Variants in ARVCF observed in about 807,000 individuals in gnomAD.
ARVCF encodes the protein ARVCF delta catenin family member.
A neutral mutation model predicts 90.9 loss-of-function variants in ARVCF; 66 were observed. That is an observed-to-expected ratio of 0.73 (90% CI 0.60 to 0.89). The LOEUF is 0.89. Ranked by LOEUF, ARVCF falls within the 40% of genes least tolerant of loss-of-function variation. The pLI, the probability that ARVCF is intolerant of heterozygous loss-of-function variation, is 0.00. For synonymous variants in ARVCF, 653 were observed against 603.4 expected (o/e 1.08, Z -1.21); for missense variants, 1,469 against 1,382.3 (o/e 1.06, Z -1.00).
In ARVCF at chr22:19,981,972, G is replaced by A. The variant is rs33992092; in HGVS notation, c.330C>T (p.Val110=). 6 of 1,613,234 alleles carry A rather than the reference G, an allele frequency of 3.7e-6. No homozygotes were observed. In the African/African-American group the frequency reaches 5.3e-5, roughly 14 times the overall value. ...PGTPTSHVSI[V]TSEDGTTRRT... is the part of the protein sequence containing the mutation. ...GCCGGGTTGTGCCATCTTCGGATGTGACAATAGACACATGGGAAGTGGGTG... is the reference window on the plus strand; with the variant it reads ...GCCGGGTTGTGCCATCTTCGGATGTAACAATAGACACATGGGAAGTGGGTG... The change falls in exon 4 of 20, where the codon GTC becomes GTT. Residue 110 remains valine, a synonymous_variant. Transcript: ENST00000263207.
rs116816134 is a variant in ARVCF, at chr22:19,990,812, G to A, written c.-18C>T. The stretch of plus-strand genomic sequence containing the variant: ...TCCTCCATGACCAGAGCGCCCGCCA[G>A]CTGCAGGCAAAGCAGAGTAAGCTCA... On this transcript the variant is annotated splice_region_variant and 5_prime_UTR_variant, in exon 3 of 20. Transcript: ENST00000263207. 2.6e-3 allele frequency: 3,961 copies of A among 1,545,694 alleles called. 102 individuals carry two copies. The African/African-American group carries it at 0.048, about 19-fold the overall frequency.
chr22:19,999,786 A>G (rs1944381843), intron 2 of ARVCF, among the ~76,000 whole-genome samples: 1 of 152,082 alleles, frequency 6.6e-6, no homozygotes, highest in East Asian at 1.9e-4. Context: ...GGACCACTAG[A>G]TGCATGAAGT....
rs1942669276 is a variant in ARVCF at position 19,970,157 on chromosome 22, G to GT, written c.*598dup. 1.0e-6 allele frequency: 1 copy of GT among 986,594 alleles called. No individual in the cohort carries two copies. The highest frequency in any genetic ancestry group is 1.2e-6 in the Non-Finnish European group (1 of 830,736). The allele number at this position is 986,594 out of a possible 1,614,324, so 61.1% of individuals were successfully genotyped here. On this transcript the variant is annotated 3_prime_UTR_variant, in exon 20 of 20. Coordinates refer to ENST00000263207, the MANE Select transcript of ARVCF (RefSeq NM_001670.3). ...GCTCTCTACTGCACAGGGGCCTCAC[G>GT]TGACTGCAGGGCTCTGGGGAGGTGG...
At chr22:19,974,026 G>A (rs1473157733) in intron 12 of ARVCF, 86 bp downstream of exon 12, 12 of 1,530,194 alleles carry the variant, frequency 7.8e-6, no homozygotes, top group Non-Finnish European at 7.9e-6. Context: ...TCCTTTCCCC[G>A]CCAGCCGAGG....
intron 2 of ARVCF, among the ~76,000 whole-genome samples, chr22:20,004,881 A>G (rs765072120): frequency 9.9e-5 from 15 of 152,218 alleles, no homozygotes; most frequent in Non-Finnish European, 1.6e-4. Context: ...ACATACACAA[A>G]AATTAACTCA....
At chr22:19,991,225 G>A (rs73387742) in intron 2 of ARVCF, among the ~76,000 whole-genome samples, 1,919 of 152,368 alleles carry the variant, frequency 0.013, 42 homozygotes, top group African/African-American at 0.043. Context: ...AGATGCCAGG[G>A]CCAAGAAAGG....
At position 19,990,542 on chromosome 22, in the gene ARVCF, C is replaced by T. The variant is rs535217124; in HGVS notation, c.210+43G>A. The T allele has an allele frequency of 1.6e-5, 25 of 1,561,020 alleles. No homozygotes were observed. The East Asian group carries it at 4.9e-4, about 31-fold the overall frequency. ...CCACCAGGACCCACTGATTGTTTTC[C>T]CACTTGGCAATTTTCACCCTTCCCA... On this transcript the variant is annotated intron_variant, in intron 3 of 19. Coordinates refer to ENST00000263207, the MANE Select transcript of ARVCF (RefSeq NM_001670.3).
chr22:19,976,574 C>T, intron 10 of ARVCF, 132 bp downstream of exon 10: 1 of 1,251,416 alleles, frequency 8.0e-7, no homozygotes, highest in Non-Finnish European at 1.1e-6. Context: ...CCACCTGCCA[C>T]TGTCATAAAG....
Position 19,972,777 on chromosome 22 carries a change from G to A in ARVCF, c.2601C>T (p.Gly867=). The A allele has an allele frequency of 5.6e-6, 9 of 1,613,324 alleles. No individual in the cohort carries two copies. Among genetic ancestry groups the A allele is most frequent in the Non-Finnish European group, 7.6e-6 (9 of 1,179,684 alleles). ...KGPKGALSPG[G]FDDSTLPLVD... is the part of the protein sequence containing the mutation. ...CCAGTGGCAGCGTGCTGTCATCGAA[G>A]CCCCCAGGACTCAGTGCTCCCTTAG... Residue 867 remains glycine, a synonymous_variant, in exon 16 of 20, where the codon GGC becomes GGT. Coordinates refer to ENST00000263207, the MANE Select transcript of ARVCF (RefSeq NM_001670.3).
chr22:19,972,852 G>C, intron 15 of ARVCF, 25 bp from the exon 16 acceptor site: 1 of 1,613,632 alleles, frequency 6.2e-7, no homozygotes, highest in Non-Finnish European at 8.5e-7. Flanking sequence ...ACAGACACAG[G>C]GTGGGTGAAG....
chr22:19,997,810 C>A (rs1321733236), intron 2 of ARVCF, among the ~76,000 whole-genome samples: 1 of 152,182 alleles, frequency 6.6e-6, no homozygotes, highest in African/African-American at 2.4e-5. Flanking sequence ...AGGTGTAGTG[C>A]CCTACTAAGT....
At position 19,979,801 on chromosome 22, in the gene ARVCF, A is replaced by G; in HGVS notation, c.1338T>C (p.Pro446=). 6.2e-7 allele frequency: 1 copy of G among 1,609,158 alleles called. No homozygotes were observed. Among genetic ancestry groups the G allele is most frequent in the Non-Finnish European group, 8.5e-7 (1 of 1,178,384 alleles). The change falls in exon 6 of 20, where the codon CCT becomes CCC. Residue 446 remains proline (P), a synonymous_variant. Transcript: ENST00000263207. The stretch of plus-strand genomic sequence containing the variant: ...CAGCCCTCAGCAGGCGCACCAGGGC[A>G]GGCACACCACCGCAGTCCCGGATGG... ...KAAIRDCGGV[P]ALVRLLRAAR...
At chr22:19,999,237 C>A (rs550819371) in intron 2 of ARVCF, among the ~76,000 whole-genome samples, 28 of 152,306 alleles carry the variant, frequency 1.8e-4, no homozygotes, top group African/African-American at 6.7e-4. Flanking sequence ...CATGTGGGCG[C>A]CCTGCCTAGA....
chr22:20,000,192 T>A (rs1006424754), intron 2 of ARVCF, among the ~76,000 whole-genome samples: 6 of 152,218 alleles, frequency 3.9e-5, no homozygotes, highest in African/African-American at 1.4e-4. Context: ...AGGTTCCATG[T>A]CCCCTTTGGT....
chr22:20,000,475 C>A (rs1464850210), intron 2 of ARVCF, among the ~76,000 whole-genome samples: 1 of 149,956 alleles, frequency 6.7e-6, no homozygotes, highest in Non-Finnish European at 1.5e-5. Context: ...AGGGCAGATT[C>A]CAGGCCCTGC....
chr22:19,973,745 C>T lies in ARVCF; in HGVS notation c.2137G>A (p.Val713Met), dbSNP rs1317880150. 6.2e-7 allele frequency: 1 copy of T among 1,608,712 alleles called. No homozygotes were observed. The highest frequency in any genetic ancestry group is 8.5e-7 in the Non-Finnish European group (1 of 1,179,926). The change falls in exon 13 of 20, where the codon GTG becomes ATG. Residue 713 changes from valine (V) to methionine (M), a missense_variant. By Grantham distance (21) the Val-to-Met change is conservative (BLOSUM62 1). Coordinates refer to ENST00000263207, the MANE Select transcript of ARVCF (RefSeq NM_001670.3). Reference sequence around the variant, plus strand: ...TCAGACTGCAGCAGTTCCACAAGCACCGGCAGCCCGCGCTCTTTGCGCACT... The same window carrying T: ...TCAGACTGCAGCAGTTCCACAAGCATCGGCAGCCCGCGCTCTTTGCGCACT... The part of the protein sequence containing the change: ...ATVRKERGLP[V>M]LVELLQSETD...
At chr22:20,014,433 G>A (rs1472237905) in intron 1 of ARVCF, among the ~76,000 whole-genome samples, 1 of 152,144 alleles carries the variant, frequency 6.6e-6, no homozygotes, top group Non-Finnish European at 1.5e-5. Context: ...GACCTCAGGT[G>A]ATCCACCTGC....
rs1942656680 is a variant in ARVCF, at chr22:19,969,996, C to T, written c.*760G>A. 1.0e-6 allele frequency: 1 copy of T among 985,476 alleles called. No individual in the cohort carries two copies. The highest frequency in any genetic ancestry group is 1.7e-5 in the African/African-American group (1 of 57,240). 61.0% of individuals were successfully genotyped at this position (985,476 alleles called of 1,614,324 possible). ...TTTAATGCTTTTTCTCAGTGTTTTT[C>T]TTCTGTTTCTGAGTCACGAACAGCA... On this transcript the variant is annotated 3_prime_UTR_variant, in exon 20 of 20. Transcript: ENST00000263207.
chr22:20,008,137 A>G (rs903502493), intron 2 of ARVCF, among the ~76,000 whole-genome samples: 3 of 152,240 alleles, frequency 2.0e-5, no homozygotes, highest in Non-Finnish European at 4.4e-5. Context: ...TGAAGAATTA[A>G]TATCTTTAAT....
Sources: gnomAD v4.1 joint callset for allele counts (sites outside exome capture counted in the v4.1 genomes callset) on GRCh38, gnomAD v4.1.1 for gene constraint, MANE v1.5 for transcripts, NCBI Gene and HGNC (gene_info 2026-07-23, HGNC 2026-07-21) for gene names.